The following SUV39H2 variants were observed in gnomAD, a reference collection of about 807,000 sequenced individuals.
SUV39H2 encodes SUV39H2 histone lysine methyltransferase.
SUV39H2 carries 10 observed loss-of-function variants against 47.5 expected under a neutral mutation model. The ratio of observed to expected loss-of-function variants is 0.21; its 90% confidence interval spans 0.13 to 0.36. SUV39H2 has a LOEUF of 0.36. Among genes scored for constraint, SUV39H2 ranks in the 10% least tolerant of loss-of-function variants. The probability of loss-of-function intolerance (pLI) is 1.00; values close to 1 mark genes in which losing one functional copy is unlikely to be tolerated. For synonymous variants in SUV39H2, 159 were observed against 166.8 expected, an observed-to-expected ratio of 0.95 and a Z score of 0.36; for missense variants, 266 against 487.4, an observed-to-expected ratio of 0.55 and a Z score of 4.28.
intron 2 of SUV39H2, among the ~76,000 whole-genome samples, chr10:14,888,156 A>G (rs1833272372): frequency 6.6e-6 from 1 of 152,162 alleles, no homozygotes; most frequent in African/African-American, 2.4e-5. Flanking sequence ...GTATGTGTTG[A>G]AAACATGACT....
rs541840432 is a variant in SUV39H2, at chr10:14,896,181, G to A, written c.178-665G>A. 3.3e-5 allele frequency among the ~76,000 whole-genome samples: 5 copies of A among 152,060 alleles called. No homozygotes were observed. The East Asian group carries it at 7.7e-4, about 23-fold the overall frequency. On this transcript the variant is annotated intron_variant, in intron 2 of 5. Coordinates refer to ENST00000354919, the MANE Select transcript of SUV39H2 (RefSeq NM_001193424.2). Reference sequence around the variant, plus strand: ...TGGTCTCGAACTCCTGGGCTCAAGCGATCCACCCACCTTGGCCTCCCAAAA... The same window carrying A: ...TGGTCTCGAACTCCTGGGCTCAAGCAATCCACCCACCTTGGCCTCCCAAAA...
chr10:14,886,095 T>G (rs1833199573), intron 2 of SUV39H2, among the ~76,000 whole-genome samples: 1 of 152,276 alleles, frequency 6.6e-6, no homozygotes, highest in South Asian at 2.1e-4. Context: ...TTAGCTAAGA[T>G]GTACTGAGCA....
intron 2 of SUV39H2, among the ~76,000 whole-genome samples, chr10:14,893,316 T>C (rs951636098): frequency 3.3e-5 from 5 of 152,198 alleles, no homozygotes; most frequent in Non-Finnish European, 7.3e-5. Context: ...GTATTTTTAG[T>C]ACAGATGGGG....
At position 14,901,246 on chromosome 10, in the gene SUV39H2, T is replaced by C. The variant is rs771392242; in HGVS notation, c.1110T>C (p.Phe370=). The C allele has an allele frequency of 7.4e-6, 12 of 1,613,834 alleles. No individual in the cohort carries two copies. Among genetic ancestry groups the C allele is most frequent in the Non-Finnish European group, 1.0e-5 (12 of 1,179,920 alleles). ...TAAATGCTGGAGAAGAGCTGACTTT[T>C]GATTATCAAATGAAAGGTATGCTTT... ...RTINAGEELT[F]DYQMKGSGDI... is the part of the protein sequence containing the mutation. Residue 370 remains phenylalanine (F), a synonymous_variant, in exon 5 of 6, where the codon TTT becomes TTC. Coordinates refer to ENST00000354919, the MANE Select transcript of SUV39H2 (RefSeq NM_001193424.2).
At chr10:14,879,247 T>G in intron 1 of SUV39H2, 1 of 581,830 alleles carries the variant, frequency 1.7e-6, no homozygotes. Context: ...TCCCCGGCAG[T>G]CCCCGGTTGG....
chr10:14,893,245 C>T (rs1051524985), intron 2 of SUV39H2, among the ~76,000 whole-genome samples: 3 of 151,900 alleles, frequency 2.0e-5, no homozygotes, highest in Admixed American at 1.3e-4. Flanking sequence ...CCTCGTGATC[C>T]GCCCGCCTCG....
intron 2 of SUV39H2, among the ~76,000 whole-genome samples, chr10:14,891,512 G>A (rs761779465): frequency 1.2e-4 from 18 of 152,228 alleles, no homozygotes; most frequent in African/African-American, 4.1e-4. Flanking sequence ...GTTTGAAGCT[G>A]TAAGTCTGGA....
At chr10:14,895,395 T>G (rs1465328944) in intron 2 of SUV39H2, among the ~76,000 whole-genome samples, 2 of 152,096 alleles carry the variant, frequency 1.3e-5, no homozygotes, top group Non-Finnish European at 2.9e-5. Context: ...AGGCTGGTCT[T>G]GAACTCCTGG....
intron 1 of SUV39H2, among the ~76,000 whole-genome samples, chr10:14,880,542 G>T (rs1011391757): frequency 6.6e-6 from 1 of 152,212 alleles, no homozygotes; most frequent in Non-Finnish European, 1.5e-5. Context: ...CGGTGACCGA[G>T]CGATGGGTAG....
At position 14,899,611 on chromosome 10, in the gene SUV39H2, C is replaced by A; in HGVS notation, c.922C>A (p.Leu308Met). Residue 308 changes from leucine (L) to methionine (M), a missense_variant, in exon 4 of 6, where the codon CTG (leucine) becomes ATG (methionine). Physicochemically the swap from Leu to Met is conservative, Grantham distance 15. Coordinates refer to ENST00000354919, the MANE Select transcript of SUV39H2 (RefSeq NM_001193424.2). ...CAAGGGAATCACGTATCTCTTTGAT[C>A]TGGACTATGAGTCTGATGAATTCAC... ...DNKGITYLFD[L>M]DYESDEFTVD... The A allele has an allele frequency of 6.2e-7, 1 of 1,614,112 alleles. No individual in the cohort carries two copies. The highest frequency in any genetic ancestry group is 8.5e-7 in the Non-Finnish European group (1 of 1,180,016).
intron 2 of SUV39H2, among the ~76,000 whole-genome samples, chr10:14,882,196 G>A (rs1242737328): frequency 6.6e-6 from 1 of 152,128 alleles, no homozygotes; most frequent in African/African-American, 2.4e-5. Flanking sequence ...CTTAAAAAAC[G>A]GCAGAGTTGT....
In SUV39H2 at chr10:14,901,545, C is replaced by CT. The variant is rs761960859; in HGVS notation, c.1126+298dup. On this transcript the variant is annotated intron_variant, in intron 5 of 5. Coordinates refer to ENST00000354919, the MANE Select transcript of SUV39H2 (RefSeq NM_001193424.2). Reference sequence around the variant, plus strand: ...AGCATCTTAATACTGTACTACTTGTCTTTTTTTTTTTTTTTAAATTGTGGG... The same window carrying CT: ...AGCATCTTAATACTGTACTACTTGTCTTTTTTTTTTTTTTTTAAATTGTGGG... Among the ~76,000 whole-genome samples the CT allele has an allele frequency of 1.8e-3, 271 of 147,376 alleles. 4 individuals are homozygous for CT. The East Asian group carries it at 0.028, about 15-fold the overall frequency.
intron 2 of SUV39H2, among the ~76,000 whole-genome samples, chr10:14,882,869 T>G (rs1310801100): frequency 6.6e-6 from 1 of 151,790 alleles, no homozygotes; most frequent in African/African-American, 2.4e-5. Context: ...TAGGAGTTTT[T>G]TTTTTTTTTT....
At chr10:14,888,554 T>C (rs1304907505) in intron 2 of SUV39H2, among the ~76,000 whole-genome samples, 3 of 151,948 alleles carry the variant, frequency 2.0e-5, no homozygotes, top group African/African-American at 4.8e-5. Context: ...GAGAATCTCT[T>C]GAACCCAGGA....
intron 2 of SUV39H2, among the ~76,000 whole-genome samples, chr10:14,885,394 A>T (rs1833174894): frequency 6.6e-6 from 1 of 152,058 alleles, no homozygotes; most frequent in African/African-American, 2.4e-5. Flanking sequence ...TTACTCTCTA[A>T]ATCTAATGGG....
intron 2 of SUV39H2, among the ~76,000 whole-genome samples, chr10:14,888,465 C>G (rs899816190): frequency 1.3e-5 from 2 of 151,822 alleles, no homozygotes; most frequent in African/African-American, 4.8e-5. Context: ...GAAACCCCGT[C>G]TCTACTAAAA....
chr10:14,902,861 T>G lies in SUV39H2; in HGVS notation c.*349T>G, dbSNP rs1834116470. ...AATGTAATTAACAACTGCTGAGAGA[T>G]CAAAGATTCAACTTGCCATACACCT... On this transcript the variant is annotated 3_prime_UTR_variant, in exon 6 of 6. Coordinates refer to ENST00000354919, the MANE Select transcript of SUV39H2 (RefSeq NM_001193424.2). 1 of 156,950 alleles carries G rather than the reference T, an allele frequency of 6.4e-6. No individual in the cohort carries two copies. Among genetic ancestry groups the G allele is most frequent in the African/African-American group, 2.4e-5 (1 of 41,586 alleles). The allele number at this position is 156,950 out of a possible 1,614,324, so 9.7% of individuals were successfully genotyped here. A position where few individuals can be genotyped will look rare whatever the true frequency, so the allele number is the denominator to read the frequency against.
At chr10:14,881,343 A>T (rs1009901417) in intron 1 of SUV39H2, among the ~76,000 whole-genome samples, 157 bp from the exon 2 acceptor site, 2 of 152,236 alleles carry the variant, frequency 1.3e-5, no homozygotes, top group Non-Finnish European at 2.9e-5. Context: ...CTTAATGTTT[A>T]ACTTTTTCTT....
intron 2 of SUV39H2, among the ~76,000 whole-genome samples, chr10:14,884,192 C>T (rs1235448718): frequency 6.6e-6 from 1 of 152,106 alleles, no homozygotes; most frequent in Non-Finnish European, 1.5e-5. Flanking sequence ...GGGTATATAA[C>T]GAGGAGTGGA....
Sources: allele counts gnomAD v4.1 joint callset (sites outside exome capture counted in the v4.1 genomes callset), GRCh38; gene constraint gnomAD v4.1.1; transcripts MANE v1.5; gene names NCBI Gene and HGNC (gene_info 2026-07-23, HGNC 2026-07-21).